Variants in ROBO1 observed in about 807,000 individuals in gnomAD.
ROBO1 encodes roundabout homolog 1.
ROBO1 carries 149 observed loss-of-function variants against 195.9 expected under a neutral mutation model. That is an observed-to-expected ratio of 0.76 (90% CI 0.67 to 0.87). The LOEUF (loss-of-function observed/expected upper bound fraction) is 0.87. ROBO1 is among the 40% of genes least tolerant of loss of function. The probability of loss-of-function intolerance (pLI) is 0.00; values close to 1 mark genes in which losing one functional copy is unlikely to be tolerated. For missense variants in ROBO1, 1,933 were observed against 2,068.3 expected (o/e 0.93, Z 1.27); for synonymous variants, 816 against 733.2 (o/e 1.11, Z -1.82).
intron 2 of ROBO1, among the ~76,000 whole-genome samples, chr3:79,497,985 A>G (rs1400647894): frequency 6.8e-6 from 1 of 147,274 alleles, no homozygotes; most frequent in Admixed American, 6.8e-5. Flanking sequence ...ATATAATTTT[A>G]TTTGCTTCGA....
intron 1 of ROBO1, among the ~76,000 whole-genome samples, chr3:79,744,509 C>A (rs72903622): frequency 1.3e-5 from 2 of 152,062 alleles, no homozygotes; most frequent in South Asian, 2.1e-4. Flanking sequence ...ATGGGTATAG[C>A]GACTTCATAA....
chr3:78,717,938 A>C, intron 5 of ROBO1, 55 bp from the exon 6 acceptor site: 3 of 1,562,490 alleles, frequency 1.9e-6, no homozygotes, highest in Non-Finnish European at 2.6e-6. Flanking sequence ...CTATGTTTAC[A>C]TGACAGATGT....
At chr3:79,070,301 G>A (rs998840783) in intron 3 of ROBO1, among the ~76,000 whole-genome samples, 6 of 151,774 alleles carry the variant, frequency 4.0e-5, no homozygotes, top group Admixed American at 1.3e-4. Flanking sequence ...CTCATTTAAC[G>A]CATTACAATT....
At chr3:78,982,985 G>C (rs2077032332) in intron 3 of ROBO1, among the ~76,000 whole-genome samples, 1 of 151,838 alleles carries the variant, frequency 6.6e-6, no homozygotes, top group Non-Finnish European at 1.5e-5. Context: ...ATGGCTCACT[G>C]CAACCTCTGC....
intron 4 of ROBO1, among the ~76,000 whole-genome samples, chr3:78,935,636 A>G (rs2039763790): frequency 6.6e-6 from 1 of 152,062 alleles, no homozygotes; most frequent in Non-Finnish European, 1.5e-5. Flanking sequence ...ACAACTCGTA[A>G]GACCTTCTTA....
chr3:79,551,604 G>T (rs1942514204), intron 2 of ROBO1, among the ~76,000 whole-genome samples: 1 of 151,920 alleles, frequency 6.6e-6, no homozygotes, highest in African/African-American at 2.4e-5. Context: ...TGGGAAGAAA[G>T]AAAATATTAA....
At chr3:78,860,328 T>TA (rs1559934346) in intron 4 of ROBO1, among the ~76,000 whole-genome samples, 16 of 31,286 alleles carry the variant, frequency 5.1e-4, no homozygotes, top group East Asian at 4.9e-3. Flanking sequence ...ATATATATAT[T>TA]TTTTTTTTTT....
intron 4 of ROBO1, among the ~76,000 whole-genome samples, chr3:78,900,303 T>C (rs1222470190): frequency 6.6e-6 from 1 of 152,204 alleles, no homozygotes; most frequent in East Asian, 1.9e-4. Context: ...TCAATGTCTT[T>C]ATATGCATAT....
intron 2 of ROBO1, among the ~76,000 whole-genome samples, chr3:79,389,811 T>C (rs951143107): frequency 2.0e-5 from 3 of 152,130 alleles, no homozygotes; most frequent in Non-Finnish European, 4.4e-5. Context: ...AAAACAGGTG[T>C]GGTCCAGGTT....
At position 79,408,234 on chromosome 3, in the gene ROBO1, A is replaced by AT. The variant is rs902312926; in HGVS notation, c.88+181589dup. On this transcript the variant is annotated intron_variant, in intron 2 of 30. Transcript: ENST00000464233. ...ATTCCGTCTCAAAAAAATAAAAAAA[A>AT]TAAAAAAAATTAAAAAATTTGGGAG... is the stretch of plus-strand genomic sequence containing the variant. Among the ~76,000 whole-genome samples the AT allele has an allele frequency of 1.5e-4, 19 of 127,302 alleles. No individual in the cohort carries two copies. In the East Asian group the frequency reaches 2.6e-3, roughly 17 times the overall value. 83.5% of individuals were successfully genotyped at this position (127,302 alleles called of 152,430 possible). A position where few individuals can be genotyped will look rare whatever the true frequency, so the allele number is the denominator to read the frequency against.
At chr3:78,608,097 A>C (rs1343876729) in intron 28 of ROBO1, among the ~76,000 whole-genome samples, 6 of 151,992 alleles carry the variant, frequency 3.9e-5, no homozygotes, top group Non-Finnish European at 5.9e-5. Context: ...ATTACATATA[A>C]TGTAACTTAT....
chr3:79,684,302 C>G (rs758911745), intron 1 of ROBO1, among the ~76,000 whole-genome samples: 4 of 152,026 alleles, frequency 2.6e-5, no homozygotes, highest in Admixed American at 2.6e-4. Context: ...GGGTTATTTT[C>G]CCTTACATAA....
At chr3:79,592,348 G>A (rs542606180) in intron 1 of ROBO1, among the ~76,000 whole-genome samples, 5 of 151,954 alleles carry the variant, frequency 3.3e-5, no homozygotes, top group South Asian at 2.1e-4. Flanking sequence ...AAGGTATTAC[G>A]ATTAATATTC....
intron 4 of ROBO1, among the ~76,000 whole-genome samples, chr3:78,893,261 C>T (rs1312750206): frequency 6.6e-6 from 1 of 152,172 alleles, no homozygotes; most frequent in African/African-American, 2.4e-5. Flanking sequence ...GCCATGAGCG[C>T]TCCTCTCTAT....
intron 2 of ROBO1, among the ~76,000 whole-genome samples, chr3:79,183,135 CT>C (rs1392173439): frequency 7.4e-5 from 11 of 149,376 alleles, no homozygotes; most frequent in South Asian, 2.1e-4. Context: ...CACACAATTG[CT>C]TTTTGCTTTT....
chr3:78,874,458 C>T (rs924603024), intron 4 of ROBO1, among the ~76,000 whole-genome samples: 3 of 151,496 alleles, frequency 2.0e-5, no homozygotes, highest in Non-Finnish European at 4.4e-5. Context: ...AATGCAAATG[C>T]TAATGTATAT....
chr3:79,014,130 A>G (rs2077860031), intron 3 of ROBO1, among the ~76,000 whole-genome samples: 1 of 152,132 alleles, frequency 6.6e-6, no homozygotes, highest in Admixed American at 6.5e-5. Flanking sequence ...TTCTTTATAT[A>G]GTTGTTGAAT....
intron 1 of ROBO1, among the ~76,000 whole-genome samples, chr3:79,648,751 A>T (rs1945909870): frequency 6.6e-6 from 1 of 152,114 alleles, no homozygotes; most frequent in Non-Finnish European, 1.5e-5. Context: ...GTACATATCA[A>T]AAAGCATGGT....
At chr3:78,791,576 A>G (rs1490094344) in intron 4 of ROBO1, among the ~76,000 whole-genome samples, 2 of 152,168 alleles carry the variant, frequency 1.3e-5, no homozygotes, top group Non-Finnish European at 2.9e-5. Flanking sequence ...TTCTGGTATT[A>G]CATTATTTCT....
Sources: gnomAD v4.1 joint callset for allele counts (sites outside exome capture counted in the v4.1 genomes callset) on GRCh38, gnomAD v4.1.1 for gene constraint, MANE v1.5 for transcripts, NCBI Gene and HGNC (gene_info 2026-07-23, HGNC 2026-07-21) for gene names.